Variants in GIGYF2 observed in about 807,000 individuals in gnomAD.
GIGYF2 encodes GRB10-interacting GYF protein 2.
A neutral mutation model predicts 208.1 loss-of-function variants in GIGYF2; 25 were observed. That is an observed-to-expected ratio of 0.12 (90% CI 0.09 to 0.17). The LOEUF (loss-of-function observed/expected upper bound fraction) is 0.17, where lower values mean the gene tolerates loss of function less well. GIGYF2 is among the 10% of genes least tolerant of loss of function. The pLI is 1.00. For missense variants in GIGYF2, 1,302 were observed against 1,579.4 expected (o/e 0.82, Z 2.98); for synonymous variants, 534 against 543.8 (o/e 0.98, Z 0.25).
chr2:232,765,587 A>C (rs1698923035), intron 8 of GIGYF2: 1 of 155,510 alleles, frequency 6.4e-6, no homozygotes, highest in Non-Finnish European at 1.4e-5. Flanking sequence ...ATTCCTACTC[A>C]GTAGGAATTG....
chr2:232,704,041 A>G (rs1025819559), intron 2 of GIGYF2, among the ~76,000 whole-genome samples: 1 of 152,118 alleles, frequency 6.6e-6, no homozygotes, highest in Non-Finnish European at 1.5e-5. Context: ...TTCACATTTC[A>G]TATTCTTGGG....
chr2:232,846,543 G>A (rs1163954254), intron 26 of GIGYF2, among the ~76,000 whole-genome samples: 1 of 152,196 alleles, frequency 6.6e-6, no homozygotes, highest in East Asian at 1.9e-4. Context: ...CCAAGAAACT[G>A]TGAAAAATAG....
chr2:232,844,319 AT>A, intron 24 of GIGYF2, 49 bp from the exon 25 acceptor site: 1 of 1,612,654 alleles, frequency 6.2e-7, no homozygotes, highest in South Asian at 1.1e-5. Context: ...CTGTCTTCTT[AT>A]CTTTTTAACA....
chr2:232,762,076 A>G (rs755692463), intron 8 of GIGYF2, among the ~76,000 whole-genome samples: 3 of 151,634 alleles, frequency 2.0e-5, no homozygotes, highest in Non-Finnish European at 1.5e-5. Context: ...TACCTTACAA[A>G]CTACCAGTAG....
At position 232,727,028 on chromosome 2, in the gene GIGYF2, G is replaced by A. The variant is rs146925176; in HGVS notation, c.-43-8127G>A. ...TGCCCAGGCTGGAGTGCAGTGGCAC[G>A]ATGTCAGCTCACTGTAGCCTCTGCC... On this transcript the variant is annotated intron_variant, in intron 2 of 28. Coordinates refer to ENST00000373563, the MANE Select transcript of GIGYF2 (RefSeq NM_001103146.3). 4.5e-4 allele frequency among the ~76,000 whole-genome samples: 69 copies of A among 152,278 alleles called. No homozygotes were observed. In the East Asian group the frequency reaches 0.013, roughly 29 times the overall value.
At chr2:232,829,357 C>T (rs1037587578) in intron 21 of GIGYF2, among the ~76,000 whole-genome samples, 2 of 151,922 alleles carry the variant, frequency 1.3e-5, no homozygotes, top group African/African-American at 4.8e-5. Context: ...TATTTTTTTC[C>T]TTATTCCATT....
chr2:232,850,615 T>C (rs138365097), intron 28 of GIGYF2, among the ~76,000 whole-genome samples: 5 of 152,366 alleles, frequency 3.3e-5, no homozygotes, highest in Admixed American at 2.0e-4. Flanking sequence ...TAACAACTTA[T>C]ATTGTATGGT....
Position 232,845,720 on chromosome 2 carries a change from G to A in GIGYF2, c.3306-12G>A. 1 of 1,584,220 alleles carries A rather than the reference G, an allele frequency of 6.3e-7. No homozygotes were observed. The highest frequency in any genetic ancestry group is 8.7e-7 in the Non-Finnish European group (1 of 1,152,852). On this transcript the variant is annotated splice_polypyrimidine_tract_variant and intron_variant, in intron 25 of 28. Transcript: ENST00000373563. Reference sequence around the variant, plus strand: ...TCTGGGAATATAATATCACCCTATTGTTTTGCTTTAGTAAATCTGTAGGTG... The same window carrying A: ...TCTGGGAATATAATATCACCCTATTATTTTGCTTTAGTAAATCTGTAGGTG...
intron 28 of GIGYF2, among the ~76,000 whole-genome samples, chr2:232,852,797 G>A (rs780281903): frequency 1.4e-4 from 21 of 152,172 alleles, no homozygotes; most frequent in Admixed American, 8.5e-4. Flanking sequence ...AAGAAGCTTT[G>A]GGACTTGAGG....
intron 16 of GIGYF2, 126 bp from the exon 17 acceptor site, chr2:232,811,118 A>G (rs1700721205): frequency 3.0e-6 from 2 of 663,526 alleles, no homozygotes; most frequent in Non-Finnish European, 5.4e-6. Flanking sequence ...ATTATAAAAT[A>G]TATTTGATAG....
intron 14 of GIGYF2, among the ~76,000 whole-genome samples, chr2:232,797,609 T>C (rs1369322598): frequency 1.3e-5 from 2 of 152,014 alleles, no homozygotes; most frequent in Non-Finnish European, 2.9e-5. Context: ...ATACCCTTTA[T>C]ACAGCTTCCC....
At chr2:232,754,761 A>G (rs535439063) in intron 5 of GIGYF2, among the ~76,000 whole-genome samples, 18 of 152,226 alleles carry the variant, frequency 1.2e-4, no homozygotes, top group Admixed American at 9.8e-4. Flanking sequence ...TATTAAGTAC[A>G]TTTTATTATA....
At chr2:232,853,485 G>A (rs541869970) in intron 28 of GIGYF2, among the ~76,000 whole-genome samples, 5 of 152,270 alleles carry the variant, frequency 3.3e-5, no homozygotes, top group South Asian at 2.1e-4. Flanking sequence ...ATGTTGGCCC[G>A]GATGGTCTTG....
At chr2:232,836,111 C>T (rs903976570) in intron 22 of GIGYF2, among the ~76,000 whole-genome samples, 1 of 150,164 alleles carries the variant, frequency 6.7e-6, no homozygotes, top group Admixed American at 6.7e-5. Flanking sequence ...CAAATATTCT[C>T]GGGGCAGATG....
At chr2:232,768,947 CATT>C (rs1425321893) in intron 8 of GIGYF2, 1 of 724,680 alleles carries the variant, frequency 1.4e-6, no homozygotes, top group Non-Finnish European at 2.2e-6. Context: ...GAATTGAACT[CATT>C]GTTAATTTGG....
chr2:232,794,710 G>C, intron 12 of GIGYF2, 38 bp from the exon 13 acceptor site: 1 of 1,516,304 alleles, frequency 6.6e-7, no homozygotes, highest in Non-Finnish European at 9.2e-7. Context: ...AGAAGTCTCT[G>C]TATTTCAAAG....
chr2:232,733,244 G>A (rs113677746), intron 2 of GIGYF2, among the ~76,000 whole-genome samples: 11,539 of 146,298 alleles, frequency 0.079, 578 homozygotes, highest in East Asian at 0.17. Context: ...GCGACAGAGC[G>A]AGACTCTTGT....
chr2:232,730,264 G>A, intron 2 of GIGYF2: 3 of 752,396 alleles, frequency 4.0e-6, no homozygotes, highest in Admixed American at 2.4e-5. Flanking sequence ...ACCCTGTGCT[G>A]AAAGAGGAAA....
chr2:232,840,594 G>C (rs947691199), intron 23 of GIGYF2, among the ~76,000 whole-genome samples: 3 of 152,092 alleles, frequency 2.0e-5, no homozygotes, highest in Non-Finnish European at 4.4e-5. Flanking sequence ...TTAAGGTCTG[G>C]GGATATAGCT....
Sources: gnomAD v4.1 joint callset for allele counts (sites outside exome capture counted in the v4.1 genomes callset) on GRCh38, gnomAD v4.1.1 for gene constraint, MANE v1.5 for transcripts, NCBI Gene and HGNC (gene_info 2026-07-23, HGNC 2026-07-21) for gene names.